CKB: variants seen among roughly 807,000 people sequenced by gnomAD.
CKB encodes the protein creatine kinase B-type.
CKB carries 15 observed loss-of-function variants against 36.9 expected under a neutral mutation model. The ratio of observed to expected loss-of-function variants is 0.41; its 90% CI spans 0.27 to 0.63. The LOEUF (loss-of-function observed/expected upper bound fraction) is 0.63. CKB is among the 20% of genes least tolerant of loss of function. The pLI, the probability that CKB is intolerant of heterozygous loss-of-function variation, is 0.34. For synonymous variants in CKB, 250 were observed against 228.2 expected, an observed-to-expected ratio of 1.10 and a Z score of -0.86; for missense variants, 413 against 534.9, an observed-to-expected ratio of 0.77 and a Z score of 2.25.
Position 103,520,518 on chromosome 14 carries a change from C to G in CKB, c.728G>C (p.Gly243Ala). 1.9e-6 allele frequency: 3 copies of G among 1,611,360 alleles called. No individual in the cohort carries two copies. The highest frequency in any genetic ancestry group is 1.1e-5 in the South Asian group (1 of 90,648). The change falls in exon 6 of 8, where the codon GGG becomes GCG. Residue 243 changes from glycine to alanine, a missense_variant. Around this residue, in one of 3 missense-constraint regions of CKB, gnomAD observed 314 missense variants for 409.4 expected, o/e 0.77. Transcript: ENST00000348956. Reference protein sequence around the residue: ...DHLRVISMQKGGNMKEVFTRF... With the variant: ...DHLRVISMQKAGNMKEVFTRF... ...GGTGAACACCTCCTTCATGTTGCCC[C>G]CCTTCTGCATGGAGATGACCCGCAG...
Position 103,522,231 on chromosome 14 carries a change from C to T in CKB, c.194-54G>A. On this transcript the variant is annotated intron_variant, in intron 2 of 7. Transcript: ENST00000348956. The surrounding 1 kb of genome is among the most constrained non-coding windows in gnomAD (Gnocchi z 6.7). Reference sequence around the variant, plus strand: ...GTGACGTCACTGCCGGGCCCGAGCGCGCTGCTGAGGACCCTGCGGCTGCGC... The same window carrying T: ...GTGACGTCACTGCCGGGCCCGAGCGTGCTGCTGAGGACCCTGCGGCTGCGC... 6.4e-7 allele frequency: 1 copy of T among 1,568,894 alleles called. No homozygotes were observed. The highest frequency in any genetic ancestry group is 1.4e-5 in the African/African-American group (1 of 72,738).
In CKB at chr14:103,521,954, G is replaced by C. The variant is rs10129401; in HGVS notation, c.349-4C>G. 5.4e-3 allele frequency: 8,480 copies of C among 1,571,226 alleles called. 413 individuals carry two copies. The African/African-American group carries it at 0.1, about 19-fold the overall frequency. On this transcript the variant is annotated splice_region_variant and splice_polypyrimidine_tract_variant and intron_variant, in intron 3 of 7. Transcript: ENST00000348956. ...TGGGGTCCAGGTCGTCGCCGCCCTG[G>C]GAGGCGAGACGGGAGTGAGCGCCCG...
chr14:103,522,203 A>T lies in CKB; in HGVS notation c.194-26T>A. ...CTGGGGGAGGGGGCGCGGGACGGGG[A>T]CAGTGACGTCACTGCCGGGCCCGAG... On this transcript the variant is annotated intron_variant, in intron 2 of 7. Transcript: ENST00000348956. This position sits in a 1 kb window ranked among gnomAD's most constrained non-coding sequence, Gnocchi z 6.7. The T allele has an allele frequency of 6.3e-7, 1 of 1,591,324 alleles. No individual in the cohort carries two copies. Among genetic ancestry groups the T allele is most frequent in the Non-Finnish European group, 8.5e-7 (1 of 1,170,532 alleles).
chr14:103,520,850 C>G (rs1432464050), intron 5 of CKB: 6 of 521,890 alleles, frequency 1.1e-5, no homozygotes, highest in Non-Finnish European at 1.4e-5. Context: ...GACCCGCCCC[C>G]CACAGTGGGG....
chr14:103,520,402 G>C, intron 6 of CKB, 67 bp downstream of exon 6: 2 of 1,587,184 alleles, frequency 1.3e-6, no homozygotes, highest in Non-Finnish European at 8.6e-7. Flanking sequence ...CCCCCGGGGG[G>C]ACTGATGCTG....
intron 5 of CKB, 109 bp downstream of exon 5, chr14:103,521,154 T>A: frequency 1.5e-6 from 2 of 1,335,188 alleles, no homozygotes; most frequent in South Asian, 2.6e-5. Flanking sequence ...TCCCTCCTCC[T>A]CCTCCTCCTC....
chr14:103,521,081 CCAAGGTCACCGGCG>C (rs1566962470), intron 5 of CKB, 168 bp downstream of exon 5: 2 of 807,874 alleles, frequency 2.5e-6, no homozygotes, highest in Middle Eastern at 2.8e-4. Context: ...ACCTGCTCGG[CCAAGGTCACCGGCG>C]CAGGAGGAGG....
Position 103,520,155 on chromosome 14 carries a change from G to T in CKB, c.934C>A (p.Leu312Ile). The change falls in exon 7 of 8, where the codon CTT (leucine) becomes ATT (isoleucine). Residue 312 changes from leucine to isoleucine, a missense_variant. By Grantham distance (5) the Leu-to-Ile change is conservative (BLOSUM62 2). Coordinates refer to ENST00000348956, the MANE Select transcript of CKB (RefSeq NM_001823.5). ...LGKHEKFSEV[L>I]KRLRLQKRGT... ...CGCTTCTGAAGTCGCAGCCGCTTAAGCACCTCCGAGAACTTCTCATGCTTG... is the reference window on the plus strand; with the variant it reads ...CGCTTCTGAAGTCGCAGCCGCTTAATCACCTCCGAGAACTTCTCATGCTTG... The T allele has an allele frequency of 2.5e-6, 4 of 1,607,454 alleles. No homozygotes were observed. Among genetic ancestry groups the T allele is most frequent in the Non-Finnish European group, 3.4e-6 (4 of 1,176,548 alleles).
intron 4 of CKB, 88 bp from the exon 5 acceptor site, chr14:103,521,522 G>C: frequency 7.9e-7 from 1 of 1,267,688 alleles, no homozygotes; most frequent in African/African-American, 1.6e-5. Flanking sequence ...GCCCCACCTC[G>C]GGGGACGTCA....
At chr14:103,521,647 C>T in intron 4 of CKB, 171 bp downstream of exon 4, 1 of 978,698 alleles carries the variant, frequency 1.0e-6, no homozygotes, top group South Asian at 2.7e-5. Flanking sequence ...CCGCTGTGGG[C>T]GCGGGGCTGG....
intron 4 of CKB, 24 bp downstream of exon 4, chr14:103,521,793 GC>G: frequency 7.3e-7 from 1 of 1,368,342 alleles, no homozygotes. Context: ...GGCCGCCGCC[GC>G]CCCTCGGCCC....
rs1226447980 is a variant in CKB, at chr14:103,522,072, T to G, written c.299A>C (p.Tyr100Ser). The change falls in exon 3 of 8, where the codon TAC becomes TCC. Residue 100 changes from tyrosine to serine, a missense_variant. Physicochemically the swap from Tyr to Ser is moderately radical, Grantham distance 144. Coordinates refer to ENST00000348956, the MANE Select transcript of CKB (RefSeq NM_001823.5). This position sits in a 1 kb window ranked among gnomAD's most constrained non-coding sequence, Gnocchi z 6.7. ...DPIIEDRHGG[Y>S]KPSDEHKTDL... ...GGTCTTGTGCTCATCGCTGGGCTTGTAGCCGCCGTGCCGGTCCTCGATGAT... is the reference window on the plus strand; with the variant it reads ...GGTCTTGTGCTCATCGCTGGGCTTGGAGCCGCCGTGCCGGTCCTCGATGAT... 1 of 1,560,236 alleles carries G rather than the reference T, an allele frequency of 6.4e-7. No individual in the cohort carries two copies. The highest frequency in any genetic ancestry group is 8.7e-7 in the Non-Finnish European group (1 of 1,152,854).
At chr14:103,520,404 C>G in intron 6 of CKB, 65 bp downstream of exon 6, 1 of 1,587,476 alleles carries the variant, frequency 6.3e-7, no homozygotes, top group Non-Finnish European at 8.6e-7. Flanking sequence ...CCCGGGGGGA[C>G]TGATGCTGGG....
chr14:103,521,511 TGCCCCACCTCGGGGGACGTCAGAGG>T, intron 4 of CKB, 77 bp from the exon 5 acceptor site: 1 of 1,290,834 alleles, frequency 7.7e-7, no homozygotes, highest in South Asian at 1.7e-5. Context: ...CCCGCCCCCG[TGCCCCACCTCGGGGGACGTCAGAGG>T]GCCCCACCCG....
Position 103,522,174 on chromosome 14 carries a change from T to C in CKB, c.197A>G (p.His66Arg). ...GCAGCCCACGGTCATGATGTACGGG[T>C]GGCCTGGGGGAGGGGGCGCGGGACG... ...VIQTGVDNPG[H>R]PYIMTVGCVA... Residue 66 changes from histidine to arginine, a missense_variant, in exon 3 of 8, where the codon CAC (histidine) becomes CGC (arginine). His to Arg is a conservative substitution (Grantham distance 29). Coordinates refer to ENST00000348956, the MANE Select transcript of CKB (RefSeq NM_001823.5). This position sits in a 1 kb window ranked among gnomAD's most constrained non-coding sequence, Gnocchi z 6.7. 6.3e-7 allele frequency: 1 copy of C among 1,599,348 alleles called. No individual in the cohort carries two copies. Among genetic ancestry groups the C allele is most frequent in the Non-Finnish European group, 8.5e-7 (1 of 1,173,784 alleles).
At chr14:103,520,640 C>G (rs757292875) in intron 5 of CKB, 48 bp from the exon 6 acceptor site, 1 of 1,570,986 alleles carries the variant, frequency 6.4e-7, no homozygotes, top group South Asian at 1.2e-5. Context: ...AGCCCCAGGC[C>G]GCCCCCAGAC....
rs540178142 is a variant in CKB at position 103,522,257 on chromosome 14, G to T, written c.193+44C>A. On this transcript the variant is annotated intron_variant, in intron 2 of 7. Transcript: ENST00000348956. This position sits in a 1 kb window ranked among gnomAD's most constrained non-coding sequence, Gnocchi z 6.7. The stretch of plus-strand genomic sequence containing the variant: ...GCTGCTGAGGACCCTGCGGCTGCGC[G>T]GGGGGAGGGGGGGCCGGGACCCCGG... 80 of 1,568,264 alleles carry T rather than the reference G, an allele frequency of 5.1e-5. No homozygotes were observed. The South Asian group carries it at 8.4e-4, about 17-fold the overall frequency.
rs1389577578 is a variant in CKB, at chr14:103,522,500, G to A, written c.-7C>T. On this transcript the variant is annotated 5_prime_UTR_variant, in exon 2 of 8. Transcript: ENST00000348956. This position sits in a 1 kb window ranked among gnomAD's most constrained non-coding sequence, Gnocchi z 6.7. The stretch of plus-strand genomic sequence containing the variant: ...GGCTGTTGGAGAAGGGCATGGCGGC[G>A]GCGGGCTGCGGGGAGACGCGGGGTC... The A allele has an allele frequency of 6.3e-7, 1 of 1,593,778 alleles. No individual in the cohort carries two copies. Among genetic ancestry groups the A allele is most frequent in the African/African-American group, 1.4e-5 (1 of 72,604 alleles).
Position 103,522,384 on chromosome 14 carries a change from T to A in CKB, c.110A>T (p.Glu37Val). 6.2e-7 allele frequency: 1 copy of A among 1,611,314 alleles called. No homozygotes were observed. The highest frequency in any genetic ancestry group is 8.5e-7 in the Non-Finnish European group (1 of 1,179,142). Residue 37 changes from glutamate to valine, a missense_variant, in exon 2 of 8, where the codon GAG (glutamate) becomes GTG (valine). Transcript: ENST00000348956. This position sits in a 1 kb window ranked among gnomAD's most constrained non-coding sequence, Gnocchi z 6.7. ...CTTGGCGCGCAGCTCCGCGTACAGC[T>A]CGGGGGTCAGCACCTTGGCCATGTG... ...NNHMAKVLTP[E>V]LYAELRAKST...
Sources: allele counts gnomAD v4.1 joint callset, GRCh38; gene constraint gnomAD v4.1.1; regional missense constraint gnomAD v4.1.1; non-coding constraint Gnocchi (gnomAD v3.1); transcripts MANE v1.5; gene names NCBI Gene and HGNC (gene_info 2026-07-23, HGNC 2026-07-21).